ROR2: variants seen among roughly 807,000 people sequenced by gnomAD.
ROR2 encodes the protein tyrosine-protein kinase transmembrane receptor ROR2.
In ROR2, 33 loss-of-function variants were observed where a neutral mutation model predicts 74.9. The observed-to-expected ratio is 0.44, with a 90% CI of 0.33 to 0.59. The LOEUF (loss-of-function observed/expected upper bound fraction) is 0.59, where lower values mean the gene tolerates loss of function less well. ROR2 is among the 20% of genes least tolerant of loss of function. The pLI is 0.02. For missense variants in ROR2, 1,216 were observed against 1,313.8 expected (o/e 0.93, Z 1.15); for synonymous variants, 586 against 558.7 (o/e 1.05, Z -0.69).
At chr9:91,784,260 G>A (rs978170203) in intron 1 of ROR2, among the ~76,000 whole-genome samples, 4 of 152,108 alleles carry the variant, frequency 2.6e-5, no homozygotes, top group East Asian at 3.9e-4. Flanking sequence ...AATCCATCAC[G>A]AAATGCTGTT....
At chr9:91,750,456 C>T (rs969627496) in intron 4 of ROR2, among the ~76,000 whole-genome samples, 4 of 152,152 alleles carry the variant, frequency 2.6e-5, no homozygotes, top group East Asian at 1.9e-4. Context: ...TCGTGGAAAA[C>T]GCACAGCCTC....
chr9:91,760,415 T>C (rs1228799516), intron 2 of ROR2, among the ~76,000 whole-genome samples: 1 of 152,000 alleles, frequency 6.6e-6, no homozygotes, highest in Non-Finnish European at 1.5e-5. Flanking sequence ...GAGTGGATCA[T>C]GAGGTCAGGA....
intron 1 of ROR2, among the ~76,000 whole-genome samples, chr9:91,928,975 C>T (rs893534666): frequency 6.6e-5 from 10 of 152,210 alleles, no homozygotes; most frequent in Non-Finnish European, 1.0e-4. Context: ...GGCAAGAAAA[C>T]CAGCCATGCC....
chr9:91,765,249 T>A (rs1217533946), intron 2 of ROR2, among the ~76,000 whole-genome samples: 1 of 152,246 alleles, frequency 6.6e-6, no homozygotes, highest in Non-Finnish European at 1.5e-5. Flanking sequence ...AACATACCCA[T>A]CAAGTTTCTC....
intron 1 of ROR2, among the ~76,000 whole-genome samples, chr9:91,800,250 G>A (rs1317063562): frequency 1.3e-5 from 2 of 152,016 alleles, no homozygotes; most frequent in African/African-American, 4.8e-5. Flanking sequence ...GCTGAGGCAG[G>A]AGAATCGCTT....
chr9:91,805,021 T>A (rs1019974350), intron 1 of ROR2, among the ~76,000 whole-genome samples: 1 of 152,196 alleles, frequency 6.6e-6, no homozygotes, highest in African/African-American at 2.4e-5. Context: ...TCAAAGTACT[T>A]CACATGGTAG....
In ROR2 at chr9:91,773,201, G is replaced by A. The variant is rs75007570; in HGVS notation, c.175+2540C>T. On this transcript the variant is annotated intron_variant, in intron 2 of 8. Coordinates refer to ENST00000375708, the MANE Select transcript of ROR2 (RefSeq NM_004560.4). ...AGCCCCCGGGTGAGAGGTTTGCAGC[G>A]CATCTGAAACAAAGGACTGCAATAC... Among the ~76,000 whole-genome samples, 710 of 152,252 alleles carry A rather than the reference G, an allele frequency of 4.7e-3. 6 individuals are homozygous for A. The highest frequency in any genetic ancestry group is 0.016 in the African/African-American group (675 of 41,532).
chr9:91,724,964 C>T lies in ROR2; in HGVS notation c.1530G>A (p.Lys510=). ...CCCGCAGGGGCCCCTCCGCTTTGTC[C>T]TTCAGCGTTTTGATGGCCACAGCCT... ...QTQAVAIKTL[K]DKAEGPLREE... is the part of the protein sequence containing the mutation. Residue 510 remains lysine, a synonymous_variant, in exon 9 of 9, where the codon AAG becomes AAA. Coordinates refer to ENST00000375708, the MANE Select transcript of ROR2 (RefSeq NM_004560.4). 3 of 1,613,728 alleles carry T rather than the reference C, an allele frequency of 1.9e-6. No homozygotes were observed. Among genetic ancestry groups the T allele is most frequent in the Non-Finnish European group, 2.5e-6 (3 of 1,180,022 alleles).
chr9:91,889,626 G>A (rs956397552), intron 1 of ROR2, among the ~76,000 whole-genome samples: 4 of 152,138 alleles, frequency 2.6e-5, no homozygotes, highest in Admixed American at 6.6e-5. Flanking sequence ...GAAGCAGTCA[G>A]TGGGCTCATG....
intron 2 of ROR2, among the ~76,000 whole-genome samples, chr9:91,758,931 TA>T (rs1295952216): frequency 6.6e-6 from 1 of 152,192 alleles, no homozygotes; most frequent in East Asian, 1.9e-4. Context: ...TAGGGAAAAC[TA>T]ATGTTGGACA....
chr9:91,760,989 TTAGA>T (rs1825896971), intron 2 of ROR2, among the ~76,000 whole-genome samples: 1 of 152,214 alleles, frequency 6.6e-6, no homozygotes, highest in Non-Finnish European at 1.5e-5. Context: ...AGGGAAACTA[TTAGA>T]TAGCAATCAT....
In ROR2 at chr9:91,817,545, G is replaced by A. The variant is rs1057227282; in HGVS notation, c.98-41727C>T. 4.6e-5 allele frequency among the ~76,000 whole-genome samples: 7 copies of A among 152,276 alleles called. No homozygotes were observed. The South Asian group carries it at 8.3e-4, about 18-fold the overall frequency. ...TCCTCCAGCTTGGCCACCTGTGCAC[G>A]TCTCCTCCGGGGAGTGAAGGGGGTC... is the stretch of plus-strand genomic sequence containing the variant. On this transcript the variant is annotated intron_variant, in intron 1 of 8. Coordinates refer to ENST00000375708, the MANE Select transcript of ROR2 (RefSeq NM_004560.4).
At chr9:91,746,746 T>G (rs771536678) in intron 4 of ROR2, among the ~76,000 whole-genome samples, 2 of 152,192 alleles carry the variant, frequency 1.3e-5, no homozygotes, top group Non-Finnish European at 2.9e-5. Flanking sequence ...AACTGATTCT[T>G]GTTCCCATAA....
intron 1 of ROR2, among the ~76,000 whole-genome samples, chr9:91,808,157 C>T (rs533125576): frequency 1.3e-5 from 2 of 152,174 alleles, no homozygotes; most frequent in South Asian, 4.2e-4. Context: ...CATATGATGA[C>T]AGTAAAACAC....
chr9:91,844,772 C>T (rs1005164525), intron 1 of ROR2, among the ~76,000 whole-genome samples: 5 of 152,034 alleles, frequency 3.3e-5, no homozygotes, highest in South Asian at 2.1e-4. Flanking sequence ...AATAAGTTCA[C>T]GGGTCAAAAA....
intron 1 of ROR2, among the ~76,000 whole-genome samples, chr9:91,925,847 C>G (rs777007958): frequency 9.9e-5 from 15 of 152,160 alleles, no homozygotes; most frequent in Non-Finnish European, 1.5e-4. Context: ...AGAGAAGCCA[C>G]CAACTGACCT....
intron 1 of ROR2, among the ~76,000 whole-genome samples, chr9:91,796,894 G>C (rs1827198973): frequency 8.2e-6 from 1 of 121,874 alleles, no homozygotes; most frequent in African/African-American, 3.6e-5. Flanking sequence ...TGACACCCTG[G>C]GATCTGTGGA....
At chr9:91,949,461 C>A (rs370786022) in intron 1 of ROR2, among the ~76,000 whole-genome samples, 65 of 152,094 alleles carry the variant, frequency 4.3e-4, no homozygotes, top group Middle Eastern at 3.4e-3. Flanking sequence ...GGGCCGTGTG[C>A]CCTTGAAGGA....
intron 1 of ROR2, among the ~76,000 whole-genome samples, chr9:91,902,143 T>TTCATCTAAGTAGTCAACA (rs1193012951): frequency 2.0e-5 from 3 of 152,138 alleles, no homozygotes; most frequent in Non-Finnish European, 2.9e-5. Flanking sequence ...GACGGCCTGA[T>TTCATCTAAGTAGTCAACA]TCATCTAAGT....
Sources: gnomAD v4.1 joint callset for allele counts (sites outside exome capture counted in the v4.1 genomes callset) on GRCh38, gnomAD v4.1.1 for gene constraint, MANE v1.5 for transcripts, NCBI Gene and HGNC (gene_info 2026-07-23, HGNC 2026-07-21) for gene names.